ZC3H12D: variants seen among roughly 807,000 people sequenced by gnomAD.
ZC3H12D encodes the protein zinc finger CCCH-type containing 12D.
ZC3H12D carries 11 observed loss-of-function variants against 24.2 expected under a neutral mutation model. That is an observed-to-expected ratio of 0.46 (90% CI 0.29 to 0.75). ZC3H12D has a LOEUF of 0.75. Ranked by LOEUF, ZC3H12D falls within the 30% of genes least tolerant of loss-of-function variation. The probability of loss-of-function intolerance (pLI) is 0.11; values close to 1 mark genes in which losing one functional copy is unlikely to be tolerated. For missense variants in ZC3H12D, 740 were observed against 767.7 expected, an observed-to-expected ratio of 0.96 and a Z score of 0.43; for synonymous variants, 333 against 341.8, an observed-to-expected ratio of 0.97 and a Z score of 0.28.
Position 149,447,981 on chromosome 6 carries a change from A to G in ZC3H12D, c.*2702T>C, listed in dbSNP as rs575064514. 6.6e-6 allele frequency: 1 copy of G among 152,352 alleles called. No homozygotes were observed. Among genetic ancestry groups the G allele is most frequent in the South Asian group, 2.1e-4 (1 of 4,826 alleles). The allele number at this position is 152,352 out of a possible 1,614,324, so 9.4% of individuals were successfully genotyped here. ...CTCTAATAGAAAGCGTGTCTTGTCA[A>G]AAGGTTAAAAATAAAAATAAAGGCC... On this transcript the variant is annotated 3_prime_UTR_variant, in exon 6 of 6. Coordinates refer to ENST00000409806, the MANE Select transcript of ZC3H12D (RefSeq NM_207360.3).
intron 1 of ZC3H12D, among the ~76,000 whole-genome samples, chr6:149,477,066 C>T (rs1375417667): frequency 6.6e-6 from 1 of 152,212 alleles, no homozygotes; most frequent in East Asian, 1.9e-4. Context: ...GTGAACATTC[C>T]GGCACATCCA....
intron 5 of ZC3H12D, 22 bp from the exon 6 acceptor site, chr6:149,451,501 A>G: frequency 6.5e-7 from 1 of 1,549,154 alleles, no homozygotes. Flanking sequence ...GGGGGCAGAG[A>G]GGGCGCGACG....
chr6:149,481,738 G>A (rs1776428943), intron 1 of ZC3H12D, among the ~76,000 whole-genome samples: 1 of 148,760 alleles, frequency 6.7e-6, no homozygotes, highest in Admixed American at 6.6e-5. Flanking sequence ...GTAGATACAA[G>A]TGTTCCCTTC....
intron 3 of ZC3H12D, among the ~76,000 whole-genome samples, chr6:149,459,188 A>G (rs1223382039): frequency 6.6e-6 from 1 of 152,162 alleles, no homozygotes; most frequent in Non-Finnish European, 1.5e-5. Context: ...TTCCTTCCCT[A>G]TCCCAAAGTA....
chr6:149,451,307 C>G lies in ZC3H12D; in HGVS notation c.960G>C (p.Ala320=). Residue 320 remains alanine (A), a synonymous_variant, in exon 6 of 6, where the codon GCG becomes GCC. Coordinates refer to ENST00000409806, the MANE Select transcript of ZC3H12D (RefSeq NM_207360.3). ...TGTGCGCAAATGGTTCCCGGGGGGC[C>G]GCCCGGGCTCCTGCGGAGCCGCCCG... is the stretch of plus-strand genomic sequence containing the variant. The part of the protein sequence containing the change: ...RAPGGSAGAR[A]APREPFAHSL... 1 of 1,327,284 alleles carries G rather than the reference C, an allele frequency of 7.5e-7. No homozygotes were observed. The highest frequency in any genetic ancestry group is 9.5e-7 in the Non-Finnish European group (1 of 1,048,454). 82.2% of individuals were successfully genotyped at this position (1,327,284 alleles called of 1,614,324 possible).
intron 2 of ZC3H12D, among the ~76,000 whole-genome samples, chr6:149,471,154 G>T (rs931794972): frequency 6.6e-6 from 1 of 152,222 alleles, no homozygotes; most frequent in African/African-American, 2.4e-5. Flanking sequence ...AAAAGCACTG[G>T]GCCAGTGGCC....
At position 149,455,903 on chromosome 6, in the gene ZC3H12D, G is replaced by GA. The variant is rs368842148; in HGVS notation, c.680+762dup. ...GGCAATAGAGCAAGACCCTGTCAAA[G>GA]AAAAAAAAAAATCTGTTGCCTACTC... On this transcript the variant is annotated intron_variant, in intron 4 of 5. Transcript: ENST00000409806. 4.9e-3 allele frequency among the ~76,000 whole-genome samples: 486 copies of GA among 98,386 alleles called. 5 individuals carry two copies. The highest frequency in any genetic ancestry group is 0.016 in the African/African-American group (412 of 25,422). The allele number at this position is 98,386 out of a possible 152,430, so 64.5% of individuals were successfully genotyped here. A position where few individuals can be genotyped will look rare whatever the true frequency, so the allele number is the denominator to read the frequency against.
At chr6:149,454,770 G>C (rs1775954683) in intron 4 of ZC3H12D, among the ~76,000 whole-genome samples, 2 of 152,252 alleles carry the variant, frequency 1.3e-5, no homozygotes, top group African/African-American at 4.8e-5. Flanking sequence ...AGCTCAGTGA[G>C]GATTTCTGGA....
rs192339758 is a variant in ZC3H12D, at chr6:149,460,930, G to A, written c.445+901C>T. Reference sequence around the variant, plus strand: ...AAGGTAGGAGGATCTCCTGAGCCAGGGGAGAGCAAGTCTGCAATGAGCCAT... The same window carrying A: ...AAGGTAGGAGGATCTCCTGAGCCAGAGGAGAGCAAGTCTGCAATGAGCCAT... On this transcript the variant is annotated intron_variant, in intron 3 of 5. Coordinates refer to ENST00000409806, the MANE Select transcript of ZC3H12D (RefSeq NM_207360.3). Among the ~76,000 whole-genome samples, 20 of 152,186 alleles carry A rather than the reference G, an allele frequency of 1.3e-4. No homozygotes were observed. In the East Asian group the frequency reaches 3.7e-3, roughly 28 times the overall value.
At position 149,450,163 on chromosome 6, in the gene ZC3H12D, C is replaced by T. The variant is rs1775867091; in HGVS notation, c.*520G>A. On this transcript the variant is annotated 3_prime_UTR_variant, in exon 6 of 6. Transcript: ENST00000409806. The stretch of plus-strand genomic sequence containing the variant: ...CAAACCTCCCCTGGCCACCTGACTA[C>T]ATATTTCAAACATTACCTGAAGCAA... 6.5e-6 allele frequency: 1 copy of T among 152,756 alleles called. No individual in the cohort carries two copies. The highest frequency in any genetic ancestry group is 2.4e-5 in the African/African-American group (1 of 41,460). 9.5% of individuals were successfully genotyped at this position (152,756 alleles called of 1,614,324 possible). A position where few individuals can be genotyped will look rare whatever the true frequency, so the allele number is the denominator to read the frequency against.
chr6:149,467,230 A>G (rs1776177154), intron 2 of ZC3H12D, among the ~76,000 whole-genome samples: 1 of 152,108 alleles, frequency 6.6e-6, no homozygotes, highest in Non-Finnish European at 1.5e-5. Context: ...CTAAGAAAAG[A>G]CATCACCCCT....
At chr6:149,460,423 T>C (rs1776053339) in intron 3 of ZC3H12D, among the ~76,000 whole-genome samples, 1 of 152,234 alleles carries the variant, frequency 6.6e-6, no homozygotes, top group African/African-American at 2.4e-5. Context: ...TGACCGTGCC[T>C]GGTGGCTCAT....
intron 1 of ZC3H12D, among the ~76,000 whole-genome samples, chr6:149,474,879 G>C (rs529953774): frequency 5.9e-5 from 9 of 152,222 alleles, no homozygotes; most frequent in Non-Finnish European, 1.5e-5. Context: ...GGGGCTGAGC[G>C]TGCACCTAGC....
At position 149,456,622 on chromosome 6, in the gene ZC3H12D, C is replaced by T. The variant is rs758260623; in HGVS notation, c.680+44G>A. The T allele has an allele frequency of 3.8e-6, 5 of 1,314,354 alleles. No individual in the cohort carries two copies. Among genetic ancestry groups the T allele is most frequent in the Non-Finnish European group, 5.4e-6 (5 of 921,302 alleles). The allele number at this position is 1,314,354 out of a possible 1,614,324, so 81.4% of individuals were successfully genotyped here. ...GGCCACTGCCTCGACCCCGGCCCCC[C>T]GCCCCGCCGCCCCCCAGGGTGTCAG... On this transcript the variant is annotated intron_variant, in intron 4 of 5. Transcript: ENST00000409806. This position sits in a 1 kb window ranked among gnomAD's most constrained non-coding sequence, Gnocchi z 4.3.
intron 2 of ZC3H12D, 106 bp from the exon 3 acceptor site, chr6:149,462,076 GAAA>G: frequency 7.1e-7 from 1 of 1,400,154 alleles, no homozygotes; most frequent in Non-Finnish European, 9.5e-7. Context: ...AGGGAACCAG[GAAA>G]ATCTATGTTT....
intron 1 of ZC3H12D, among the ~76,000 whole-genome samples, chr6:149,479,150 A>T (rs1776386233): frequency 6.6e-6 from 1 of 152,206 alleles, no homozygotes; most frequent in Non-Finnish European, 1.5e-5. Flanking sequence ...GCCTGAGCCC[A>T]GGAGTTCAAG....
chr6:149,468,018 G>A (rs998113631), intron 2 of ZC3H12D, among the ~76,000 whole-genome samples: 2 of 152,142 alleles, frequency 1.3e-5, no homozygotes, highest in African/African-American at 4.8e-5. Flanking sequence ...TTTTGTTCTT[G>A]TTGCCCAGAC....
intron 2 of ZC3H12D, among the ~76,000 whole-genome samples, chr6:149,470,692 G>T (rs552633341): frequency 6.6e-6 from 1 of 152,234 alleles, no homozygotes; most frequent in East Asian, 1.9e-4. Context: ...CCTACCTAAG[G>T]TCACACAGCT....
chr6:149,478,957 A>C (rs1776383612), intron 1 of ZC3H12D, among the ~76,000 whole-genome samples: 1 of 152,212 alleles, frequency 6.6e-6, no homozygotes, highest in Non-Finnish European at 1.5e-5. Flanking sequence ...CAGGCTGCCG[A>C]GGTTGTCACA....
Sources: gnomAD v4.1 joint callset for allele counts (sites outside exome capture counted in the v4.1 genomes callset) on GRCh38, gnomAD v4.1.1 for gene constraint, Gnocchi (gnomAD v3.1) non-coding constraint, MANE v1.5 for transcripts, NCBI Gene and HGNC (gene_info 2026-07-23, HGNC 2026-07-21) for gene names.